The following BRI3 variants were observed in gnomAD, a reference collection of about 807,000 sequenced individuals.
The protein encoded by BRI3 is brain protein I3.
In BRI3, 6 loss-of-function variants were observed where a neutral mutation model predicts 12.8. The ratio of observed to expected loss-of-function variants is 0.47; its 90% CI spans 0.26 to 0.93. The LOEUF (loss-of-function observed/expected upper bound fraction) is 0.93. Ranked by LOEUF, BRI3 falls within the 40% of genes least tolerant of loss-of-function variation. The pLI is 0.15. For missense variants in BRI3, 134 were observed against 171.1 expected, an observed-to-expected ratio of 0.78 and a Z score of 1.21; for synonymous variants, 91 against 76.1, an observed-to-expected ratio of 1.20 and a Z score of -1.02.
chr7:98,288,386 G>A (rs1411991087), intron 2 of BRI3, among the ~76,000 whole-genome samples: 2 of 152,138 alleles, frequency 1.3e-5, no homozygotes, highest in East Asian at 1.9e-4. Flanking sequence ...CGGCAGGGCT[G>A]GGCGGAGGTG....
At chr7:98,291,632 G>A (rs967627713), downstream of BRI3, 29 of 528,036 alleles carry the variant, frequency 5.5e-5, no homozygotes, top group East Asian at 5.2e-4. Flanking sequence ...TTCAGCAGGC[G>A]CTTACAGCTC....
chr7:98,318,746 C>A, the BRI3 span, among the ~76,000 whole-genome samples: 5 of 150,902 alleles, frequency 3.3e-5, no homozygotes, highest in African/African-American at 1.2e-4. Flanking sequence ...AGTTTGAGAC[C>A]AGCCTGGCTA....
chr7:98,310,935 C>T (rs958391491), downstream of BRI3, among the ~76,000 whole-genome samples: 13 of 152,076 alleles, frequency 8.5e-5, no homozygotes, highest in African/African-American at 3.1e-4. Context: ...ATCTGCCCGC[C>T]TAGGCCTCCC....
intron 2 of BRI3, among the ~76,000 whole-genome samples, chr7:98,288,044 C>CG (rs1799770509): frequency 6.6e-6 from 1 of 152,218 alleles, no homozygotes; most frequent in Non-Finnish European, 1.5e-5. Context: ...GGGGACCACT[C>CG]TGGGGGGTGC....
chr7:98,310,976 A>G (rs978343122), downstream of BRI3, among the ~76,000 whole-genome samples: 2 of 152,020 alleles, frequency 1.3e-5, no homozygotes, highest in Non-Finnish European at 2.9e-5. Flanking sequence ...GTGAGCCACC[A>G]TGACTGGCCA....
At chr7:98,296,501 G>T (rs1037379390), downstream of BRI3, among the ~76,000 whole-genome samples, 1 of 151,978 alleles carries the variant, frequency 6.6e-6, no homozygotes, top group East Asian at 1.9e-4. Context: ...GGCGCACGCC[G>T]GTAATCCCAG....
rs1554406193 is a variant in BRI3, at chr7:98,281,752, A to ACCGAG, written c.-35_-31dup. On this transcript the variant is annotated 5_prime_UTR_variant, in exon 1 of 3. Coordinates refer to ENST00000297290, the MANE Select transcript of BRI3 (RefSeq NM_015379.5). ...GCCGCCGCGTCCCCCGCCGGGGCCG[A>ACCGAG]CCGAGCCGAGCCGGGCCGGAGCGGC... The ACCGAG allele has an allele frequency of 1.1e-5, 11 of 974,152 alleles. No homozygotes were observed. The highest frequency in any genetic ancestry group is 1.1e-5 in the Non-Finnish European group (9 of 817,404). The allele number at this position is 974,152 out of a possible 1,614,324, so 60.3% of individuals were successfully genotyped here. A position where few individuals can be genotyped will look rare whatever the true frequency, so the allele number is the denominator to read the frequency against.
downstream of BRI3, among the ~76,000 whole-genome samples, chr7:98,313,982 C>CTT (rs35599338): frequency 0.035 from 3,485 of 100,942 alleles, 159 homozygotes; most frequent in Non-Finnish European, 0.051. Flanking sequence ...CTTTTTCTTC[C>CTT]TTTTTTTTTT....
At chr7:98,311,649 T>G (rs1800875091), downstream of BRI3, among the ~76,000 whole-genome samples, 1 of 151,886 alleles carries the variant, frequency 6.6e-6, no homozygotes, top group Non-Finnish European at 1.5e-5. Flanking sequence ...GGCTCATGCC[T>G]GTAATCCCAG....
upstream of BRI3, chr7:98,304,373 G>A (rs758472363): frequency 3.1e-6 from 5 of 1,613,316 alleles, no homozygotes; most frequent in South Asian, 1.1e-5. Context: ...TCACTGGTGT[G>A]GGGCTCAAAC....
downstream of BRI3, chr7:98,312,158 G>A (rs1800898548): frequency 2.5e-6 from 4 of 1,613,860 alleles, no homozygotes; most frequent in Non-Finnish European, 3.4e-6. Flanking sequence ...GGTAGAGGCT[G>A]GGGTCTTTAT....
At chr7:98,292,888 G>A (rs368345813), downstream of BRI3, 318 of 1,434,688 alleles carry the variant, frequency 2.2e-4, 2 homozygotes, top group South Asian at 4.2e-3. Flanking sequence ...AGATTTCGTC[G>A]AGTGCTACGT....
intron 2 of BRI3, among the ~76,000 whole-genome samples, chr7:98,289,498 A>G (rs539740643): frequency 2.0e-4 from 30 of 152,208 alleles, no homozygotes; most frequent in Non-Finnish European, 3.2e-4. Flanking sequence ...TCCCCTTAGC[A>G]AGGCACAGGT....
chr7:98,302,274 C>T (rs567447454), upstream of BRI3, among the ~76,000 whole-genome samples: 8 of 152,308 alleles, frequency 5.3e-5, no homozygotes, highest in Admixed American at 4.6e-4. Flanking sequence ...GACAATGACA[C>T]GTTTTCATTT....
At chr7:98,289,412 C>T (rs1033508713) in intron 2 of BRI3, among the ~76,000 whole-genome samples, 1 of 152,208 alleles carries the variant, frequency 6.6e-6, no homozygotes, top group Non-Finnish European at 1.5e-5. Flanking sequence ...CCTCATGAGT[C>T]CAGACCCCCA....
intron 1 of BRI3, among the ~76,000 whole-genome samples, chr7:98,301,058 G>A (rs1037820930): frequency 2.6e-5 from 4 of 152,212 alleles, no homozygotes; most frequent in East Asian, 3.9e-4. Flanking sequence ...GCTCTAGGCC[G>A]CCCAGTAGAG....
At chr7:98,310,359 T>C in exon 2 of BRI3, 1 of 1,453,026 alleles carries the variant, frequency 6.9e-7, no homozygotes, top group East Asian at 2.4e-5. Context: ...AACCTTGCAA[T>C]ACATTTATAC....
chr7:98,308,669 T>A (rs4729431), exon 2 of BRI3: 100,878 of 220,280 alleles, frequency 0.46, 23,849 homozygotes, highest in East Asian at 0.68. Flanking sequence ...TAGAAAAAAA[T>A]ATATATATAT....
chr7:98,317,184 A>C, the BRI3 span: 5 of 1,613,816 alleles, frequency 3.1e-6, no homozygotes, highest in Non-Finnish European at 4.2e-6. Context: ...AATTGTCAAC[A>C]ACAAAAGAAA....
Sources: allele counts gnomAD v4.1 joint callset (sites outside exome capture counted in the v4.1 genomes callset), GRCh38; gene constraint gnomAD v4.1.1; transcripts MANE v1.5; gene names NCBI Gene and HGNC (gene_info 2026-07-23, HGNC 2026-07-21).